Variants in MAML2 observed in about 807,000 individuals in gnomAD.
The protein encoded by MAML2 is mastermind-like protein 2.
MAML2 carries 22 observed loss-of-function variants against 96.1 expected under a neutral mutation model. That is an observed-to-expected ratio of 0.23 (90% confidence interval 0.16 to 0.33). The LOEUF (loss-of-function observed/expected upper bound fraction) is 0.33. Ranked by LOEUF, MAML2 falls within the 10% of genes least tolerant of loss-of-function variation. The pLI, the probability that MAML2 is intolerant of heterozygous loss-of-function variation, is 1.00. For missense variants in MAML2, 1,367 were observed against 1,392.4 expected (o/e 0.98, Z 0.29); for synonymous variants, 561 against 521.3 (o/e 1.08, Z -1.04).
intron 2 of MAML2, among the ~76,000 whole-genome samples, chr11:96,091,042 C>T (rs538950582): frequency 1.2e-3 from 182 of 152,290 alleles, no homozygotes; most frequent in Non-Finnish European, 2.2e-3. Context: ...CCCTGGGGAT[C>T]AGGACTTACT....
At chr11:95,983,370 A>G (rs1191199973) in intron 4 of MAML2, among the ~76,000 whole-genome samples, 4 of 152,198 alleles carry the variant, frequency 2.6e-5, no homozygotes, top group Admixed American at 2.6e-4. Context: ...TCATAGAAGT[A>G]GAGAATAGAA....
At chr11:95,987,884 TGAAA>T (rs1857851908) in intron 3 of MAML2, among the ~76,000 whole-genome samples, 1 of 152,214 alleles carries the variant, frequency 6.6e-6, no homozygotes, top group Non-Finnish European at 1.5e-5. Context: ...AAGTGGTTGG[TGAAA>T]TGCTCTTTGG....
chr11:96,092,588 G>A lies in MAML2; in HGVS notation c.1443C>T (p.Pro481=), dbSNP rs770185215. 4.3e-5 allele frequency: 70 copies of A among 1,609,636 alleles called. No homozygotes were observed. The highest frequency in any genetic ancestry group is 1.6e-4 in the Middle Eastern group (1 of 6,066). ...ATGTCTGCTGACCAAAAGAAGGGCTGGGGATTTTCTCCTGCCCAAATGGAC... is the reference window on the plus strand; with the variant it reads ...ATGTCTGCTGACCAAAAGAAGGGCTAGGGATTTTCTCCTGCCCAAATGGAC... ...SPGPFGQEKI[P]SPSFGQQTFS... is the part of the protein sequence containing the mutation. Residue 481 remains proline (P), a synonymous_variant, in exon 2 of 5, where the codon CCC becomes CCT. Transcript: ENST00000524717. This position sits in a 1 kb window ranked among gnomAD's most constrained non-coding sequence, Gnocchi z 4.1.
chr11:96,160,045 T>C (rs1265943520), intron 1 of MAML2, among the ~76,000 whole-genome samples: 1 of 152,242 alleles, frequency 6.6e-6, no homozygotes, highest in Non-Finnish European at 1.5e-5. Context: ...TTAATAAGTT[T>C]TGTATCTCTC....
chr11:96,067,115 C>G (rs1265691205), intron 2 of MAML2, among the ~76,000 whole-genome samples: 1 of 152,184 alleles, frequency 6.6e-6, no homozygotes, highest in African/African-American at 2.4e-5. Context: ...GGAGACATCA[C>G]AGAACACATA....
chr11:96,338,032 A>C (rs79358840), intron 1 of MAML2, among the ~76,000 whole-genome samples: 9,772 of 152,276 alleles, frequency 0.064, 517 homozygotes, highest in East Asian at 0.3. Flanking sequence ...GAGAAAAGAT[A>C]ATCTCTGAAG....
intron 2 of MAML2, among the ~76,000 whole-genome samples, chr11:96,027,640 T>A (rs1858546468): frequency 1.3e-5 from 2 of 152,170 alleles, no homozygotes; most frequent in Admixed American, 1.3e-4. Context: ...GGAGATGCTA[T>A]CCTCAGTCAC....
At chr11:96,222,329 A>C (rs1470399772) in intron 1 of MAML2, among the ~76,000 whole-genome samples, 1 of 152,150 alleles carries the variant, frequency 6.6e-6, no homozygotes, top group Non-Finnish European at 1.5e-5. Context: ...CAGCACTAGC[A>C]GTCACCCTGA....
intron 1 of MAML2, among the ~76,000 whole-genome samples, chr11:96,272,236 T>C (rs1862926364): frequency 6.6e-6 from 1 of 152,212 alleles, no homozygotes; most frequent in Admixed American, 6.5e-5. Flanking sequence ...ACAGGAATTT[T>C]TGTTTGCTCA....
At chr11:96,243,720 G>A (rs1862471540) in intron 1 of MAML2, among the ~76,000 whole-genome samples, 1 of 147,164 alleles carries the variant, frequency 6.8e-6, no homozygotes, top group South Asian at 2.1e-4. Flanking sequence ...GTGGCGCGAT[G>A]TTGTCTCACT....
rs747277970 is a variant in MAML2, at chr11:96,093,351, T to G, written c.680A>C (p.Gln227Pro). ...CATAGGCAAGGTCCCTGACATAATCTGACTTTGTCCATTGTTTATTTGGAG... is the reference window on the plus strand; with the variant it reads ...CATAGGCAAGGTCCCTGACATAATCGGACTTTGTCCATTGTTTATTTGGAG... ...GGLQINNGQS[Q>P]IMSGTLPMSQ... The change falls in exon 2 of 5, where the codon CAG becomes CCG. Residue 227 changes from glutamine to proline, a missense_variant. Coordinates refer to ENST00000524717, the MANE Select transcript of MAML2 (RefSeq NM_032427.4). 1 of 1,614,048 alleles carries G rather than the reference T, an allele frequency of 6.2e-7. No individual in the cohort carries two copies. The highest frequency in any genetic ancestry group is 1.7e-5 in the Admixed American group (1 of 60,028).
At chr11:95,997,350 G>C (rs564308041) in intron 2 of MAML2, among the ~76,000 whole-genome samples, 2 of 152,192 alleles carry the variant, frequency 1.3e-5, no homozygotes, top group East Asian at 3.9e-4. Flanking sequence ...TATAGTATTA[G>C]TCCCTGAGAT....
chr11:96,021,409 C>T (rs1858433420), intron 2 of MAML2, among the ~76,000 whole-genome samples: 1 of 152,152 alleles, frequency 6.6e-6, no homozygotes, highest in Non-Finnish European at 1.5e-5. Flanking sequence ...CCATCATGAC[C>T]CCAGCAGATG....
intron 1 of MAML2, among the ~76,000 whole-genome samples, chr11:96,120,365 T>G (rs944689002): frequency 2.0e-5 from 3 of 152,184 alleles, no homozygotes; most frequent in Admixed American, 1.3e-4. Flanking sequence ...AGGAGTAATC[T>G]ATATGCACTT....
chr11:96,175,211 C>T (rs2135904612), intron 1 of MAML2, among the ~76,000 whole-genome samples: 1 of 152,320 alleles, frequency 6.6e-6, no homozygotes, highest in South Asian at 2.1e-4. Context: ...GAAAATTTTA[C>T]CATCCTTGCA....
intron 2 of MAML2, among the ~76,000 whole-genome samples, chr11:96,030,689 G>A (rs370702535): frequency 7.9e-5 from 12 of 152,282 alleles, no homozygotes; most frequent in African/African-American, 2.6e-4. Flanking sequence ...GTGTTCTATA[G>A]TGACCCAGTT....
intron 1 of MAML2, among the ~76,000 whole-genome samples, chr11:96,158,510 T>C (rs1451716697): frequency 6.6e-6 from 1 of 152,254 alleles, no homozygotes; most frequent in African/African-American, 2.4e-5. Flanking sequence ...CTAAAGCCTC[T>C]GAGAACTTCA....
At position 96,268,219 on chromosome 11, in the gene MAML2, A is replaced by T. The variant is rs542013462; in HGVS notation, c.513+73164T>A. The stretch of plus-strand genomic sequence containing the variant: ...GCTGGGTGCACTGACTCATACCTGT[A>T]ATCCCAGCACTTTGGAAGGCTGAGG... On this transcript the variant is annotated intron_variant, in intron 1 of 4. Coordinates refer to ENST00000524717, the MANE Select transcript of MAML2 (RefSeq NM_032427.4). Among the ~76,000 whole-genome samples, 2 of 152,336 alleles carry T rather than the reference A, an allele frequency of 1.3e-5. 1 individual carries two copies. The highest frequency in any genetic ancestry group is 4.1e-4 in the South Asian group (2 of 4,832).
chr11:96,243,035 GACAC>G (rs34648958), intron 1 of MAML2, among the ~76,000 whole-genome samples: 1 of 149,978 alleles, frequency 6.7e-6, no homozygotes, highest in African/African-American at 2.4e-5. Flanking sequence ...CCAGTTCAGG[GACAC>G]ACACACACAC....
Sources: allele counts gnomAD v4.1 joint callset (sites outside exome capture counted in the v4.1 genomes callset), GRCh38; gene constraint gnomAD v4.1.1; non-coding constraint Gnocchi (gnomAD v3.1); transcripts MANE v1.5; gene names NCBI Gene and HGNC (gene_info 2026-07-23, HGNC 2026-07-21).